FBXO42: variants seen among roughly 807,000 people sequenced by gnomAD.
FBXO42 encodes the protein F-box only protein 42.
Under a neutral mutation model 71.7 loss-of-function variants are expected in FBXO42, and 12 were observed. That is an observed-to-expected ratio of 0.17 (90% CI 0.11 to 0.27). FBXO42 has a LOEUF of 0.27. Ranked by LOEUF, FBXO42 falls within the 10% of genes least tolerant of loss-of-function variation. The pLI, the probability that FBXO42 is intolerant of heterozygous loss-of-function variation, is 1.00. For missense variants in FBXO42, 707 were observed against 911.9 expected, an observed-to-expected ratio of 0.78 and a Z score of 2.89; for synonymous variants, 325 against 327.5, an observed-to-expected ratio of 0.99 and a Z score of 0.08.
At chr1:16,327,811 C>T (rs2082463783) in intron 1 of FBXO42, among the ~76,000 whole-genome samples, 1 of 152,172 alleles carries the variant, frequency 6.6e-6, no homozygotes, top group African/African-American at 2.4e-5. Flanking sequence ...AAGCGATTCT[C>T]TCACCTCTGC....
chr1:16,283,297 C>A (rs1313616754), intron 4 of FBXO42, among the ~76,000 whole-genome samples: 1 of 151,942 alleles, frequency 6.6e-6, no homozygotes, highest in African/African-American at 2.4e-5. Context: ...GGGCTTGGAC[C>A]CACAAACCAT....
chr1:16,274,308 A>G (rs1232718256), intron 4 of FBXO42, among the ~76,000 whole-genome samples: 2 of 151,928 alleles, frequency 1.3e-5, no homozygotes, highest in Non-Finnish European at 2.9e-5. Flanking sequence ...ACTTTGTCTC[A>G]AAAAACACAA....
At position 16,316,860 on chromosome 1, in the gene FBXO42, C is replaced by G. The variant is rs1029314677; in HGVS notation, c.-17-1425G>C. On this transcript the variant is annotated intron_variant, in intron 1 of 9. Transcript: ENST00000375592. ...ATTAAGAGATCCAGGCAGTAAAAAA[C>G]TAGAACAACATGAATGTCTATCAAC... Among the ~76,000 whole-genome samples, 5 of 150,390 alleles carry G rather than the reference C, an allele frequency of 3.3e-5. No homozygotes were observed. In the South Asian group the frequency reaches 1.1e-3, roughly 32 times the overall value.
intron 3 of FBXO42, among the ~76,000 whole-genome samples, chr1:16,298,170 G>A (rs1039106896): frequency 5.3e-5 from 8 of 152,086 alleles, no homozygotes; most frequent in African/African-American, 7.2e-5. Flanking sequence ...AGGTTGCAGC[G>A]AGCTGAGATT....
At chr1:16,297,896 A>G (rs145263478) in intron 3 of FBXO42, among the ~76,000 whole-genome samples, 61 of 148,836 alleles carry the variant, frequency 4.1e-4, no homozygotes, top group African/African-American at 1.2e-3. Flanking sequence ...GTCAAGTCCA[A>G]TGAATCCATG....
At chr1:16,302,443 T>C (rs1463960025) in intron 3 of FBXO42, among the ~76,000 whole-genome samples, 1 of 152,318 alleles carries the variant, frequency 6.6e-6, no homozygotes, top group South Asian at 2.1e-4. Flanking sequence ...ACATTTATGG[T>C]AGAAGGCAAA....
chr1:16,311,651 T>C (rs1049194244), intron 2 of FBXO42, among the ~76,000 whole-genome samples: 2 of 151,582 alleles, frequency 1.3e-5, no homozygotes, highest in African/African-American at 4.8e-5. Context: ...ATCAGGGAAA[T>C]GCAAATTAAA....
At chr1:16,306,905 C>T (rs1397194901) in intron 2 of FBXO42, among the ~76,000 whole-genome samples, 8 of 150,792 alleles carry the variant, frequency 5.3e-5, no homozygotes, top group Non-Finnish European at 1.2e-4. Context: ...AGTTTGTTTT[C>T]TTTTTTTTTC....
chr1:16,346,686 T>A (rs1283294704), intron 1 of FBXO42, among the ~76,000 whole-genome samples: 2 of 138,670 alleles, frequency 1.4e-5, no homozygotes, highest in African/African-American at 5.5e-5. Context: ...AGACTCCGTC[T>A]CGGGGAAAAA....
intron 6 of FBXO42, 128 bp downstream of exon 6, chr1:16,255,583 C>T (rs2081633921): frequency 1.4e-6 from 1 of 702,608 alleles, no homozygotes; most frequent in Non-Finnish European, 2.3e-6. Context: ...GATCCACCCA[C>T]CTTGGCCTCC....
At chr1:16,301,678 A>C (rs1044103887) in intron 3 of FBXO42, among the ~76,000 whole-genome samples, 8 of 139,034 alleles carry the variant, frequency 5.8e-5, no homozygotes, top group Non-Finnish European at 8.1e-5. Flanking sequence ...CTCAAAAAAA[A>C]AAAAACAACA....
chr1:16,295,314 C>G (rs568002121), intron 3 of FBXO42, among the ~76,000 whole-genome samples: 1 of 152,332 alleles, frequency 6.6e-6, no homozygotes, highest in African/African-American at 2.4e-5. Flanking sequence ...TCCTCCCATT[C>G]CTTTCCTCCA....
intron 4 of FBXO42, among the ~76,000 whole-genome samples, chr1:16,274,910 A>T (rs2081884249): frequency 6.6e-6 from 1 of 152,050 alleles, no homozygotes; most frequent in Non-Finnish European, 1.5e-5. Context: ...GTCTTAATAG[A>T]ATAATATTGT....
chr1:16,273,111 T>C (rs999999073), intron 4 of FBXO42, among the ~76,000 whole-genome samples: 2 of 152,118 alleles, frequency 1.3e-5, no homozygotes, highest in South Asian at 4.1e-4. Flanking sequence ...GTATGTAATA[T>C]GAACAAAAAC....
intron 4 of FBXO42, among the ~76,000 whole-genome samples, chr1:16,265,768 A>G (rs747265360): frequency 4.3e-4 from 63 of 147,640 alleles, no homozygotes; most frequent in Admixed American, 6.1e-4. Context: ...TTAGGTTCAG[A>G]TAAGTCCCTA....
Position 16,291,186 on chromosome 1 carries a change from C to T in FBXO42, c.502+3597G>A, listed in dbSNP as rs577462878. 3.3e-5 allele frequency among the ~76,000 whole-genome samples: 5 copies of T among 152,218 alleles called. No individual in the cohort carries two copies. The South Asian group carries it at 1.0e-3, about 32-fold the overall frequency. On this transcript the variant is annotated intron_variant, in intron 4 of 9. Transcript: ENST00000375592. Reference sequence around the variant, plus strand: ...CCTCAGTCACCCTCCAATCTACCTACCTCGATGCACTAAAATGAGTGAGTC... The same window carrying T: ...CCTCAGTCACCCTCCAATCTACCTATCTCGATGCACTAAAATGAGTGAGTC...
intron 4 of FBXO42, among the ~76,000 whole-genome samples, chr1:16,274,780 C>A (rs1289943517): frequency 6.6e-6 from 1 of 151,380 alleles, no homozygotes; most frequent in Admixed American, 6.6e-5. Flanking sequence ...TCAGTAGAGA[C>A]AGGGTTTCAT....
Position 16,331,422 on chromosome 1 carries a change from A to AAAT in FBXO42, c.-17-15990_-17-15988dup, listed in dbSNP as rs200267691. ...AGAGCGAGACTCTGTCTCAAAAAGA[A>AAAT]AATAATAATAATAATAATAATAATA... On this transcript the variant is annotated intron_variant, in intron 1 of 9. Coordinates refer to ENST00000375592, the MANE Select transcript of FBXO42 (RefSeq NM_018994.3). Among the ~76,000 whole-genome samples, 635 of 145,678 alleles carry AAAT rather than the reference A, an allele frequency of 4.4e-3. 3 individuals are homozygous for AAAT. Among genetic ancestry groups the AAAT allele is most frequent in the African/African-American group, 8.3e-3 (329 of 39,794 alleles).
intron 3 of FBXO42, among the ~76,000 whole-genome samples, chr1:16,300,620 G>A (rs923186798): frequency 5.3e-5 from 8 of 152,120 alleles, no homozygotes; most frequent in African/African-American, 1.9e-4. Context: ...ACACCTACAA[G>A]CCAGAACATA....
Sources: gnomAD v4.1 joint callset for allele counts (sites outside exome capture counted in the v4.1 genomes callset) on GRCh38, gnomAD v4.1.1 for gene constraint, MANE v1.5 for transcripts, NCBI Gene and HGNC (gene_info 2026-07-23, HGNC 2026-07-21) for gene names.